The following DAB1 variants were observed in gnomAD, a reference collection of about 807,000 sequenced individuals.
The protein encoded by DAB1 is disabled homolog 1.
A neutral mutation model predicts 64.6 loss-of-function variants in DAB1; 15 were observed. That is an observed-to-expected ratio of 0.23 (90% CI 0.16 to 0.36). DAB1 has a LOEUF of 0.36. Ranked by LOEUF, DAB1 falls within the 10% of genes least tolerant of loss-of-function variation. DAB1 has a pLI of 1.00. For synonymous variants in DAB1, 235 were observed against 251.9 expected (o/e 0.93, Z 0.64); for missense variants, 596 against 706.7 (o/e 0.84, Z 1.78).
At chr1:57,395,085 C>A (rs745692813) in intron 1 of DAB1, among the ~76,000 whole-genome samples, 7 of 152,102 alleles carry the variant, frequency 4.6e-5, no homozygotes, top group Non-Finnish European at 7.3e-5. Flanking sequence ...AGTGCACTGG[C>A]GAGATCTCGG....
intron 4 of DAB1, among the ~76,000 whole-genome samples, chr1:58,187,742 C>T (rs892999206): frequency 8.6e-5 from 13 of 150,394 alleles, no homozygotes; most frequent in African/African-American, 3.2e-4. Flanking sequence ...ACCACACCAG[C>T]TAATTTTTGT....
intron 5 of DAB1, among the ~76,000 whole-genome samples, chr1:58,103,923 T>C (rs1042371870): frequency 6.6e-5 from 10 of 152,172 alleles, no homozygotes; most frequent in African/African-American, 2.2e-4. Flanking sequence ...TCCTTCACCC[T>C]TTCACTTTTC....
intron 2 of DAB1, among the ~76,000 whole-genome samples, chr1:57,167,692 C>T (rs967731866): frequency 6.6e-6 from 1 of 152,184 alleles, no homozygotes; most frequent in African/African-American, 2.4e-5. Flanking sequence ...TTTACCCAAA[C>T]CAGTTTTTCC....
intron 5 of DAB1, among the ~76,000 whole-genome samples, chr1:58,092,543 A>C (rs1204288959): frequency 6.6e-6 from 1 of 152,014 alleles, no homozygotes; most frequent in Non-Finnish European, 1.5e-5. Flanking sequence ...ACCTTCCCTA[A>C]AGTTCAACCC....
intron 7 of DAB1, among the ~76,000 whole-genome samples, chr1:57,578,882 C>T (rs1019267458): frequency 6.6e-6 from 1 of 152,200 alleles, no homozygotes; most frequent in African/African-American, 2.4e-5. Context: ...CAGTCAAGCC[C>T]TTTGCACACA....
At chr1:58,145,556 C>T (rs1654545106) in intron 5 of DAB1, among the ~76,000 whole-genome samples, 2 of 152,214 alleles carry the variant, frequency 1.3e-5, no homozygotes, top group Admixed American at 1.3e-4. Context: ...CACATGAAGG[C>T]ATATTGCTAA....
At chr1:57,984,189 AAAGAAAG>A (rs1557594874) in intron 5 of DAB1, among the ~76,000 whole-genome samples, 16,167 of 101,742 alleles carry the variant, frequency 0.16, 2,992 homozygotes, top group Non-Finnish European at 0.2. Flanking sequence ...TAAAAAAAAG[AAAGAAAG>A]AAAGAAAGAA....
At chr1:57,290,306 T>G (rs1047028897) in intron 2 of DAB1, among the ~76,000 whole-genome samples, 3 of 151,494 alleles carry the variant, frequency 2.0e-5, no homozygotes, top group African/African-American at 4.8e-5. Context: ...AAGAGTCCAG[T>G]GGTTCTTAAA....
chr1:57,159,572 C>T (rs558694426), intron 2 of DAB1, among the ~76,000 whole-genome samples: 240 of 152,242 alleles, frequency 1.6e-3, no homozygotes, highest in Non-Finnish European at 2.7e-3. Flanking sequence ...ACAGTGGGTA[C>T]TTAATATTTG....
At chr1:58,318,848 C>T (rs888683734) in intron 4 of DAB1, among the ~76,000 whole-genome samples, 6 of 152,152 alleles carry the variant, frequency 3.9e-5, no homozygotes, top group Non-Finnish European at 8.8e-5. Flanking sequence ...AATCTTTGTC[C>T]CCTTTCCGAG....
chr1:58,376,177 C>T (rs1382273714), intron 3 of DAB1, among the ~76,000 whole-genome samples: 1 of 150,780 alleles, frequency 6.6e-6, no homozygotes, highest in African/African-American at 2.4e-5. Flanking sequence ...TCTCTATTTC[C>T]TTCAGTTCTG....
At chr1:57,786,482 G>A (rs1650345163) in intron 6 of DAB1, among the ~76,000 whole-genome samples, 1 of 152,106 alleles carries the variant, frequency 6.6e-6, no homozygotes, top group East Asian at 1.9e-4. Flanking sequence ...TTATAAAAGT[G>A]GAGATGGAAG....
At chr1:57,294,986 T>C (rs1345089170) in intron 1 of DAB1, among the ~76,000 whole-genome samples, 1 of 152,152 alleles carries the variant, frequency 6.6e-6, no homozygotes. Flanking sequence ...ATATGTTGCA[T>C]ACTGTATGAT....
chr1:58,238,051 C>T (rs1241566454), intron 4 of DAB1, among the ~76,000 whole-genome samples: 1 of 152,202 alleles, frequency 6.6e-6, no homozygotes, highest in Non-Finnish European at 1.5e-5. Flanking sequence ...AGCCCATGTC[C>T]TTTGGCAGTA....
intron 4 of DAB1, among the ~76,000 whole-genome samples, chr1:58,322,641 G>A (rs529359970): frequency 6.6e-6 from 1 of 152,174 alleles, no homozygotes; most frequent in Non-Finnish European, 1.5e-5. Flanking sequence ...CAGTTTTGTT[G>A]GGAGTGTAAA....
intron 5 of DAB1, among the ~76,000 whole-genome samples, chr1:58,015,493 T>C (rs1646726049): frequency 1.3e-5 from 2 of 152,162 alleles, no homozygotes; most frequent in African/African-American, 2.4e-5. Context: ...GATAAACATA[T>C]TGTCTAGTCC....
At chr1:57,120,451 G>A (rs991599091) in intron 4 of DAB1, among the ~76,000 whole-genome samples, 4 of 152,066 alleles carry the variant, frequency 2.6e-5, no homozygotes, top group Admixed American at 2.0e-4. Flanking sequence ...ATTTTTTACT[G>A]CAGTAAAATA....
intron 3 of DAB1, among the ~76,000 whole-genome samples, chr1:58,450,290 A>T (rs1006825160): frequency 1.3e-5 from 2 of 152,120 alleles, no homozygotes; most frequent in Admixed American, 1.3e-4. Flanking sequence ...CGTGTCCTTG[A>T]CTCAAAGGTG....
At chr1:57,038,152 A>G (rs984849500) in intron 9 of DAB1, among the ~76,000 whole-genome samples, 8 of 152,206 alleles carry the variant, frequency 5.3e-5, no homozygotes. Context: ...GTCCTTCCTT[A>G]CATATTCTCT....
Sources: allele counts gnomAD v4.1 joint callset (sites outside exome capture counted in the v4.1 genomes callset), GRCh38; gene constraint gnomAD v4.1.1; transcripts MANE v1.5; gene names NCBI Gene and HGNC (gene_info 2026-07-23, HGNC 2026-07-21).